Variants in THRB observed in about 807,000 individuals in gnomAD.
THRB encodes nuclear receptor subfamily 1 group A member 2.
In THRB, 12 loss-of-function variants were observed where a neutral mutation model predicts 47.8. The ratio of observed to expected loss-of-function variants is 0.25; its 90% confidence interval spans 0.16 to 0.41. The LOEUF is 0.41. THRB is among the 10% of genes least tolerant of loss of function. The probability of loss-of-function intolerance (pLI) is 1.00; values close to 1 mark genes in which losing one functional copy is unlikely to be tolerated. For synonymous variants in THRB, 218 were observed against 212.2 expected, an observed-to-expected ratio of 1.03 and a Z score of -0.24; for missense variants, 348 against 589.2, an observed-to-expected ratio of 0.59 and a Z score of 4.24.
chr3:24,140,049 T>C (rs1306528887), intron 8 of THRB, among the ~76,000 whole-genome samples: 1 of 152,242 alleles, frequency 6.6e-6, no homozygotes, highest in Non-Finnish European at 1.5e-5. Context: ...GAATACCACT[T>C]AGCAAAGCTG....
chr3:24,194,900 G>C (rs2043784793), intron 4 of THRB, among the ~76,000 whole-genome samples: 1 of 152,184 alleles, frequency 6.6e-6, no homozygotes, highest in South Asian at 2.1e-4. Flanking sequence ...AGCTGCGTAG[G>C]CTGGGATTTC....
At chr3:24,418,659 T>C (rs1484621231) in intron 1 of THRB, among the ~76,000 whole-genome samples, 2 of 151,922 alleles carry the variant, frequency 1.3e-5, no homozygotes, top group East Asian at 1.9e-4. Flanking sequence ...CCTCCAAAGA[T>C]GTTGTAAATA....
intron 3 of THRB, among the ~76,000 whole-genome samples, chr3:24,238,300 G>T (rs76383033): frequency 3.1e-4 from 39 of 125,740 alleles, no homozygotes; most frequent in South Asian, 1.1e-3. Context: ...GGGTGTGTGG[G>T]GTGTGTGTGT....
chr3:24,238,361 G>A (rs1335674673), intron 3 of THRB, among the ~76,000 whole-genome samples: 6 of 149,930 alleles, frequency 4.0e-5, no homozygotes, highest in Non-Finnish European at 8.9e-5. Flanking sequence ...TAATTCCTAA[G>A]GAATGAGGGT....
At chr3:24,490,282 C>T (rs904894512) in intron 1 of THRB, among the ~76,000 whole-genome samples, 1 of 152,196 alleles carries the variant, frequency 6.6e-6, no homozygotes, top group Non-Finnish European at 1.5e-5. Flanking sequence ...CCATCCATTG[C>T]TCAACCAGCT....
At chr3:24,410,422 T>G (rs1277267726) in intron 1 of THRB, among the ~76,000 whole-genome samples, 1 of 151,750 alleles carries the variant, frequency 6.6e-6, no homozygotes, top group South Asian at 2.1e-4. Context: ...GAATAAAAAA[T>G]AGATGCAGAG....
intron 1 of THRB, among the ~76,000 whole-genome samples, chr3:24,395,971 GT>G (rs2150027205): frequency 1.3e-5 from 2 of 152,196 alleles, no homozygotes; most frequent in South Asian, 4.1e-4. Context: ...TAGATAAGTA[GT>G]TGCCTAGAGG....
rs564536388 is a variant in THRB at position 24,182,018 on chromosome 3, A to G, written c.283+8056T>C. Reference sequence around the variant, plus strand: ...AGATCGAGACCATCCTGGCTAACACAGTGAAACCCCATCTCTACTAAAAAT... The same window carrying G: ...AGATCGAGACCATCCTGGCTAACACGGTGAAACCCCATCTCTACTAAAAAT... On this transcript the variant is annotated intron_variant, in intron 5 of 10. Transcript: ENST00000646209. 1.4e-4 allele frequency among the ~76,000 whole-genome samples: 21 copies of G among 152,208 alleles called. No homozygotes were observed. The South Asian group carries it at 1.7e-3, about 12-fold the overall frequency.
At chr3:24,190,739 C>G (rs1382818318) in intron 4 of THRB, among the ~76,000 whole-genome samples, 1 of 151,704 alleles carries the variant, frequency 6.6e-6, no homozygotes. Flanking sequence ...CATAAAACAC[C>G]CAGGATTCAG....
At chr3:24,299,216 C>G (rs1379130786) in intron 2 of THRB, among the ~76,000 whole-genome samples, 2 of 142,880 alleles carry the variant, frequency 1.4e-5, no homozygotes, top group East Asian at 4.1e-4. Context: ...CCACTGCACT[C>G]CAGCCTGGGC....
chr3:24,290,561 TTTGA>T (rs1484708070), intron 3 of THRB, among the ~76,000 whole-genome samples: 1 of 152,218 alleles, frequency 6.6e-6, no homozygotes, highest in Non-Finnish European at 1.5e-5. Flanking sequence ...TCATTAAAGT[TTTGA>T]TTCTCTGACA....
chr3:24,281,114 C>T lies in THRB; in HGVS notation c.-43+16112G>A, dbSNP rs1386077846. On this transcript the variant is annotated intron_variant, in intron 3 of 10. Transcript: ENST00000646209. Reference sequence around the variant, plus strand: ...CCACAAAGATACTCCTCGAGAAGAGCAACACCAAGACACATAATTGTCAGA... The same window carrying T: ...CCACAAAGATACTCCTCGAGAAGAGTAACACCAAGACACATAATTGTCAGA... Among the ~76,000 whole-genome samples the T allele has an allele frequency of 2.0e-4, 31 of 152,200 alleles. No individual in the cohort carries two copies. The East Asian group carries it at 4.5e-3, about 22-fold the overall frequency.
chr3:24,284,714 T>C (rs1387816376), intron 3 of THRB, among the ~76,000 whole-genome samples: 3 of 149,222 alleles, frequency 2.0e-5, no homozygotes, highest in South Asian at 4.2e-4. Flanking sequence ...GAATCTACAA[T>C]GAACTCAAAC....
intron 5 of THRB, among the ~76,000 whole-genome samples, chr3:24,159,545 TA>T (rs2038434450): frequency 6.6e-6 from 1 of 152,224 alleles, no homozygotes; most frequent in Non-Finnish European, 1.5e-5. Flanking sequence ...TTAAATATGA[TA>T]TTTGGAAATG....
chr3:24,133,508 A>G, intron 8 of THRB, 46 bp from the exon 9 acceptor site: 1 of 1,570,836 alleles, frequency 6.4e-7, no homozygotes, highest in Non-Finnish European at 8.8e-7. Context: ...AGTTGAAGGG[A>G]GCTTTATTTA....
At chr3:24,422,644 C>T (rs2069377027) in intron 1 of THRB, among the ~76,000 whole-genome samples, 1 of 151,882 alleles carries the variant, frequency 6.6e-6, no homozygotes, top group South Asian at 2.1e-4. Context: ...TTTTCAGCTG[C>T]TGCTGAAGAT....
intron 2 of THRB, among the ~76,000 whole-genome samples, chr3:24,306,237 A>G (rs894026746): frequency 1.3e-5 from 2 of 152,236 alleles, no homozygotes; most frequent in African/African-American, 4.8e-5. Flanking sequence ...TCATAACTGT[A>G]ATAGATAGCA....
intron 1 of THRB, among the ~76,000 whole-genome samples, chr3:24,381,481 C>G (rs532851706): frequency 5.3e-5 from 8 of 152,236 alleles, no homozygotes; most frequent in African/African-American, 1.7e-4. Flanking sequence ...ATTGACCCAC[C>G]TAAGGTGAGA....
intron 3 of THRB, among the ~76,000 whole-genome samples, chr3:24,273,150 A>C (rs2053534782): frequency 6.6e-6 from 1 of 152,026 alleles, no homozygotes; most frequent in Non-Finnish European, 1.5e-5. Flanking sequence ...ACACACACCC[A>C]CACACACCAC....
Sources: allele counts gnomAD v4.1 joint callset (sites outside exome capture counted in the v4.1 genomes callset), GRCh38; gene constraint gnomAD v4.1.1; transcripts MANE v1.5; gene names NCBI Gene and HGNC (gene_info 2026-07-23, HGNC 2026-07-21).